GRM7: variants seen among roughly 807,000 people sequenced by gnomAD.
GRM7 encodes the protein metabotropic glutamate receptor 7.
GRM7 carries 35 observed loss-of-function variants against 84.5 expected under a neutral mutation model. The ratio of observed to expected loss-of-function variants is 0.41; its 90% CI spans 0.32 to 0.55. The LOEUF (loss-of-function observed/expected upper bound fraction) is 0.55. Among genes scored for constraint, GRM7 ranks in the 20% least tolerant of loss-of-function variants. The pLI is 0.19. For synonymous variants in GRM7, 487 were observed against 455.1 expected (o/e 1.07, Z -0.89); for missense variants, 1,003 against 1,194.6 (o/e 0.84, Z 2.36).
At chr3:7,547,402 T>G (rs1693217244) in intron 7 of GRM7, among the ~76,000 whole-genome samples, 1 of 151,924 alleles carries the variant, frequency 6.6e-6, no homozygotes, top group South Asian at 2.1e-4. Context: ...GAGATGGGGT[T>G]TCACTGTGTT....
intron 1 of GRM7, among the ~76,000 whole-genome samples, chr3:6,972,992 T>C (rs903913144): frequency 3.3e-5 from 5 of 152,160 alleles, no homozygotes; most frequent in Non-Finnish European, 7.4e-5. Context: ...TAGAGTCAAA[T>C]AATATGAGAG....
chr3:7,498,515 G>A (rs1040889044), intron 7 of GRM7, among the ~76,000 whole-genome samples: 3 of 152,160 alleles, frequency 2.0e-5, no homozygotes, highest in Non-Finnish European at 4.4e-5. Context: ...AGGAGTGTGA[G>A]CTCTGAGGCC....
intron 2 of GRM7, among the ~76,000 whole-genome samples, chr3:7,243,573 C>G (rs1486571928): frequency 6.6e-6 from 1 of 152,088 alleles, no homozygotes; most frequent in Non-Finnish European, 1.5e-5. Flanking sequence ...GGGACATGAA[C>G]CCATTCTAAA....
At chr3:7,313,539 C>T (rs1487174933) in intron 4 of GRM7, among the ~76,000 whole-genome samples, 1 of 152,122 alleles carries the variant, frequency 6.6e-6, no homozygotes, top group East Asian at 1.9e-4. Context: ...ATACCCAGCA[C>T]TTGAATATTA....
At chr3:7,428,436 G>C (rs1001929681) in intron 5 of GRM7, among the ~76,000 whole-genome samples, 2 of 152,062 alleles carry the variant, frequency 1.3e-5, no homozygotes, top group Non-Finnish European at 2.9e-5. Flanking sequence ...ACAATAGTGT[G>C]TGTTCTTTCA....
At chr3:6,873,966 T>C (rs1695216078) in intron 1 of GRM7, among the ~76,000 whole-genome samples, 1 of 152,248 alleles carries the variant, frequency 6.6e-6, no homozygotes, top group African/African-American at 2.4e-5. Context: ...AATCAGGCAA[T>C]GGGCAAAATG....
chr3:7,484,655 A>G (rs1699256071), intron 7 of GRM7, among the ~76,000 whole-genome samples: 1 of 152,232 alleles, frequency 6.6e-6, no homozygotes, highest in Admixed American at 6.5e-5. Flanking sequence ...GAACTGGAAT[A>G]CAATAGTAAA....
At chr3:7,155,447 T>G (rs957447075) in intron 2 of GRM7, among the ~76,000 whole-genome samples, 23 of 151,742 alleles carry the variant, frequency 1.5e-4, no homozygotes, top group African/African-American at 5.3e-4. Flanking sequence ...ACAAGAAATG[T>G]AGTATTCATT....
chr3:7,652,254 G>A (rs568558164), intron 8 of GRM7, among the ~76,000 whole-genome samples: 97 of 152,234 alleles, frequency 6.4e-4, no homozygotes, highest in Middle Eastern at 3.4e-3. Flanking sequence ...AAACAGGACC[G>A]TCCATGGCAA....
chr3:7,555,083 T>G lies in GRM7; in HGVS notation c.1516-23339T>G, dbSNP rs372854986. 4.0e-4 allele frequency among the ~76,000 whole-genome samples: 61 copies of G among 152,332 alleles called. No homozygotes were observed. In the East Asian group the frequency reaches 8.7e-3, roughly 22 times the overall value. On this transcript the variant is annotated intron_variant, in intron 7 of 9. Coordinates refer to ENST00000357716, the MANE Select transcript of GRM7 (RefSeq NM_000844.4). ...TTACCAGCTGGGTACTTTGGGTTAA[T>G]TTGCCTGGTTTCTCCATGTCTCATT...
Position 6,888,170 on chromosome 3 carries a change from A to G in GRM7, c.519+26263A>G, listed in dbSNP as rs551377467. Reference sequence around the variant, plus strand: ...GAGTAGGTTGCGAAAATTTTCTCCCATTTTGTAGGTTGCCTGTTCACTCTG... The same window carrying G: ...GAGTAGGTTGCGAAAATTTTCTCCCGTTTTGTAGGTTGCCTGTTCACTCTG... On this transcript the variant is annotated intron_variant, in intron 1 of 9. Coordinates refer to ENST00000357716, the MANE Select transcript of GRM7 (RefSeq NM_000844.4). 2.8e-4 allele frequency among the ~76,000 whole-genome samples: 42 copies of G among 151,922 alleles called. No homozygotes were observed. In the East Asian group the frequency reaches 5.6e-3, roughly 20 times the overall value.
chr3:6,880,532 A>C (rs1695470320), intron 1 of GRM7, among the ~76,000 whole-genome samples: 1 of 152,190 alleles, frequency 6.6e-6, no homozygotes. Context: ...AATCTTTTGG[A>C]AGAAAAATTC....
intron 1 of GRM7, among the ~76,000 whole-genome samples, chr3:6,872,552 T>G (rs1695157626): frequency 6.6e-6 from 1 of 152,168 alleles, no homozygotes. Flanking sequence ...CATGGTGGTT[T>G]GCTGCACCCA....
intron 8 of GRM7, among the ~76,000 whole-genome samples, chr3:7,666,476 G>A (rs1024570767): frequency 3.3e-5 from 5 of 152,164 alleles, no homozygotes; most frequent in Admixed American, 6.5e-5. Context: ...TACAAAGATC[G>A]TTCTGGTTGC....
At position 7,048,500 on chromosome 3, in the gene GRM7, A is replaced by T. The variant is rs1032302383; in HGVS notation, c.520-97952A>T. Among the ~76,000 whole-genome samples the T allele has an allele frequency of 7.9e-5, 12 of 152,064 alleles. 1 individual carries two copies. Among genetic ancestry groups the T allele is most frequent in the Admixed American group, 3.9e-4 (6 of 15,238 alleles). ...TAGGTTGTCATGTTTAAAGAAAAAA[A>T]AAAGATGCATTACTGGGGCCTATTA... On this transcript the variant is annotated intron_variant, in intron 1 of 9. Coordinates refer to ENST00000357716, the MANE Select transcript of GRM7 (RefSeq NM_000844.4).
intron 8 of GRM7, among the ~76,000 whole-genome samples, chr3:7,641,947 C>T (rs527958504): frequency 3.7e-4 from 16 of 42,688 alleles, no homozygotes; most frequent in Admixed American, 2.3e-3. Context: ...TGGGGAAAAC[C>T]GTCATTAAAA....
chr3:6,890,724 G>C (rs1324992800), intron 1 of GRM7, among the ~76,000 whole-genome samples: 2 of 152,162 alleles, frequency 1.3e-5, no homozygotes, highest in Non-Finnish European at 2.9e-5. Context: ...TTGGGGTGGA[G>C]AGTTCTGTAG....
chr3:7,322,884 C>T (rs766690116), intron 4 of GRM7, among the ~76,000 whole-genome samples: 1 of 151,998 alleles, frequency 6.6e-6, no homozygotes, highest in Non-Finnish European at 1.5e-5. Context: ...CTGAAAGTGG[C>T]GTATGGTCGT....
chr3:6,891,151 A>C (rs2124983168), intron 1 of GRM7, among the ~76,000 whole-genome samples: 1 of 152,224 alleles, frequency 6.6e-6, no homozygotes, highest in South Asian at 2.1e-4. Flanking sequence ...GGGTTTCCTG[A>C]ATACAGCACA....
Sources: gnomAD v4.1 joint callset for allele counts (sites outside exome capture counted in the v4.1 genomes callset) on GRCh38, gnomAD v4.1.1 for gene constraint, MANE v1.5 for transcripts, NCBI Gene and HGNC (gene_info 2026-07-23, HGNC 2026-07-21) for gene names.